The following R3HDML variants were observed in gnomAD, a reference collection of about 807,000 sequenced individuals.
The protein encoded by R3HDML is peptidase inhibitor R3HDML.
Under a neutral mutation model 24.2 loss-of-function variants are expected in R3HDML, and 21 were observed. The observed-to-expected ratio is 0.87, with a 90% CI of 0.62 to 1.25. The LOEUF (loss-of-function observed/expected upper bound fraction) is 1.25, where lower values mean the gene tolerates loss of function less well. R3HDML is among the 50% of genes most tolerant of loss of function. R3HDML has a pLI of 0.00. For missense variants in R3HDML, 301 were observed against 340.3 expected, an observed-to-expected ratio of 0.88 and a Z score of 0.91; for synonymous variants, 133 against 131.5, an observed-to-expected ratio of 1.01 and a Z score of -0.08.
chr20:44,343,250 C>T (rs990988142), intron 2 of R3HDML, 127 bp from the exon 3 acceptor site: 3 of 1,208,926 alleles, frequency 2.5e-6, no homozygotes, highest in Non-Finnish European at 3.6e-6. Flanking sequence ...TGCCCTCATG[C>T]TCACAGATAG....
At chr20:44,344,129 A>C (rs181253151) in intron 3 of R3HDML, among the ~76,000 whole-genome samples, 14 of 151,524 alleles carry the variant, frequency 9.2e-5, no homozygotes, top group East Asian at 3.9e-4. Flanking sequence ...AAAATACAAA[A>C]AATTAGCCAG....
chr20:44,345,237 C>T (rs768274356), intron 3 of R3HDML, 26 bp from the exon 4 acceptor site: 3 of 1,591,008 alleles, frequency 1.9e-6, no homozygotes, highest in South Asian at 2.2e-5. Context: ...CTTCTCATAG[C>T]CCCCTCTGTC....
At chr20:44,343,654 G>T (rs1188435583) in intron 3 of R3HDML, 145 bp downstream of exon 3, 9 of 863,562 alleles carry the variant, frequency 1.0e-5, no homozygotes, top group Middle Eastern at 3.0e-4. Flanking sequence ...CTGGAAAGTT[G>T]TGTGCACAAT....
At chr20:44,341,090 C>A in intron 1 of R3HDML, 106 bp from the exon 2 acceptor site, 1 of 921,922 alleles carries the variant, frequency 1.1e-6, no homozygotes, top group Admixed American at 2.1e-5. Context: ...TGCAGGGTTC[C>A]AGGGAGATGG....
At chr20:44,345,013 G>T (rs2062782467) in intron 3 of R3HDML, 1 of 512,716 alleles carries the variant, frequency 2.0e-6, no homozygotes, top group Non-Finnish European at 3.5e-6. Flanking sequence ...TTCAAATTGT[G>T]TGTATGTGTG....
chr20:44,340,181 C>A (rs2062768487), intron 1 of R3HDML, among the ~76,000 whole-genome samples: 1 of 152,076 alleles, frequency 6.6e-6, no homozygotes, highest in African/African-American at 2.4e-5. Flanking sequence ...TCTCGACCTC[C>A]TGACCTCAGG....
chr20:44,351,050 C>A lies in R3HDML; in HGVS notation c.*258C>A. ...AAGAGCCCTGCATCTTTCATTAATT[C>A]GGTTCTCAGAGAACCAAGGCTGGAA... On this transcript the variant is annotated 3_prime_UTR_variant, in exon 5 of 5. Transcript: ENST00000217043. The A allele has an allele frequency of 2.6e-6, 1 of 390,498 alleles. No individual in the cohort carries two copies. Among genetic ancestry groups the A allele is most frequent in the African/African-American group, 2.1e-5 (1 of 47,082 alleles). The allele number at this position is 390,498 out of a possible 1,614,324, so 24.2% of individuals were successfully genotyped here.
intron 1 of R3HDML, among the ~76,000 whole-genome samples, chr20:44,340,206 C>T (rs779797185): frequency 6.6e-6 from 1 of 152,022 alleles, no homozygotes; most frequent in African/African-American, 2.4e-5. Context: ...CCGCCCACCT[C>T]GGCCTCCCAA....
chr20:44,344,101 G>A (rs1214645608), intron 3 of R3HDML, among the ~76,000 whole-genome samples: 1 of 152,142 alleles, frequency 6.6e-6, no homozygotes, highest in African/African-American at 2.4e-5. Context: ...CTAACACGGT[G>A]AGACCCCGTC....
intron 2 of R3HDML, among the ~76,000 whole-genome samples, chr20:44,342,302 C>T (rs1743736010): frequency 6.6e-6 from 1 of 152,146 alleles, no homozygotes; most frequent in South Asian, 2.1e-4. Context: ...TTCAAGTGAG[C>T]TCAGTGGAAA....
chr20:44,338,237 G>A (rs2146106989), intron 1 of R3HDML, among the ~76,000 whole-genome samples: 1 of 152,074 alleles, frequency 6.6e-6, no homozygotes, highest in East Asian at 1.9e-4. Flanking sequence ...CATGCCACTC[G>A]ATAGCCTGAA....
At chr20:44,350,352 C>A (rs1229901836) in intron 4 of R3HDML, among the ~76,000 whole-genome samples, 1 of 151,884 alleles carries the variant, frequency 6.6e-6, no homozygotes, top group Non-Finnish European at 1.5e-5. Flanking sequence ...CCCATCTCTG[C>A]AAATAAATAA....
intron 1 of R3HDML, among the ~76,000 whole-genome samples, chr20:44,338,531 G>A (rs778588967): frequency 2.0e-5 from 3 of 152,164 alleles, no homozygotes; most frequent in Non-Finnish European, 4.4e-5. Context: ...TCATTCATTC[G>A]TTAGCACCTA....
intron 4 of R3HDML, among the ~76,000 whole-genome samples, chr20:44,347,173 A>G (rs2146113461): frequency 6.6e-6 from 1 of 151,884 alleles, no homozygotes; most frequent in East Asian, 1.9e-4. Flanking sequence ...CAAAACAAGA[A>G]CAAATTCTAA....
chr20:44,337,175 C>G lies in R3HDML; in HGVS notation c.18C>G (p.Ser6Arg), dbSNP rs952355458. 6 of 1,613,330 alleles carry G rather than the reference C, an allele frequency of 3.7e-6. No individual in the cohort carries two copies. The highest frequency in any genetic ancestry group is 5.1e-6 in the Non-Finnish European group (6 of 1,179,888). Residue 6 changes from serine (S) to arginine (R), a missense_variant, in exon 1 of 5, where the codon AGC becomes AGG. Ser to Arg is a moderately radical substitution (Grantham distance 110, BLOSUM62 -1). Transcript: ENST00000217043. This position sits in a 1 kb window ranked among gnomAD's most constrained non-coding sequence, Gnocchi z 4.7. MPLLP[S>R]TVGLAGLLFW... ...ATCCAGCTATGCCCCTGCTGCCCAG[C>G]ACCGTGGGCCTGGCAGGCCTGCTCT...
intron 1 of R3HDML, among the ~76,000 whole-genome samples, chr20:44,339,421 A>G (rs1203530565): frequency 6.6e-6 from 1 of 152,182 alleles, no homozygotes; most frequent in Non-Finnish European, 1.5e-5. Flanking sequence ...TTTTAATGAC[A>G]TATTTTCTGG....
chr20:44,346,969 T>A (rs1477964373), intron 4 of R3HDML, among the ~76,000 whole-genome samples: 1 of 152,024 alleles, frequency 6.6e-6, no homozygotes, highest in Non-Finnish European at 1.5e-5. Context: ...TGGCAAAACC[T>A]CGTGTCTACC....
At chr20:44,343,276 G>GA in intron 2 of R3HDML, 101 bp from the exon 3 acceptor site, 1 of 1,423,972 alleles carries the variant, frequency 7.0e-7, no homozygotes, top group South Asian at 1.2e-5. Flanking sequence ...TGAGATGGGG[G>GA]AAAGGAAGCA....
intron 1 of R3HDML, among the ~76,000 whole-genome samples, chr20:44,339,621 A>T (rs965935957): frequency 2.8e-5 from 4 of 142,708 alleles, no homozygotes; most frequent in Non-Finnish European, 6.0e-5. Flanking sequence ...GTGTGTGTGT[A>T]TATATAGAGA....
Sources: gnomAD v4.1 joint callset for allele counts (sites outside exome capture counted in the v4.1 genomes callset) on GRCh38, gnomAD v4.1.1 for gene constraint, Gnocchi (gnomAD v3.1) non-coding constraint, MANE v1.5 for transcripts, NCBI Gene and HGNC (gene_info 2026-07-23, HGNC 2026-07-21) for gene names.